BCAS3: variants seen among roughly 807,000 people sequenced by gnomAD.
BCAS3 encodes the protein BCAS4/BCAS3 fusion.
BCAS3 carries 53 observed loss-of-function variants against 116.1 expected under a neutral mutation model. The observed-to-expected ratio is 0.46, with a 90% CI of 0.37 to 0.57. BCAS3 has a LOEUF of 0.57. Ranked by LOEUF, BCAS3 falls within the 20% of genes least tolerant of loss-of-function variation. The pLI, the probability that BCAS3 is intolerant of heterozygous loss-of-function variation, is 0.00. For missense variants in BCAS3, 917 were observed against 1,165.4 expected, an observed-to-expected ratio of 0.79 and a Z score of 3.10; for synonymous variants, 391 against 408.2, an observed-to-expected ratio of 0.96 and a Z score of 0.51.
At chr17:61,035,574 C>T (rs192864239) in intron 17 of BCAS3, among the ~76,000 whole-genome samples, 5 of 135,544 alleles carry the variant, frequency 3.7e-5, no homozygotes, top group Non-Finnish European at 7.7e-5. Flanking sequence ...CAGAGCAAGA[C>T]TCCATCTCAA....
At chr17:60,944,607 C>G (rs1216788099) in intron 13 of BCAS3, among the ~76,000 whole-genome samples, 2 of 151,890 alleles carry the variant, frequency 1.3e-5, no homozygotes, top group African/African-American at 4.8e-5. Flanking sequence ...TTCTCAGGGA[C>G]ACAGATAAGA....
chr17:60,781,586 GA>G (rs2045839606), intron 6 of BCAS3, among the ~76,000 whole-genome samples: 1 of 152,080 alleles, frequency 6.6e-6, no homozygotes, highest in South Asian at 2.1e-4. Context: ...ATGACAGAGT[GA>G]GACCTTTTCT....
At chr17:60,966,345 A>G (rs574123856) in intron 14 of BCAS3, among the ~76,000 whole-genome samples, 1 of 152,340 alleles carries the variant, frequency 6.6e-6, no homozygotes, top group South Asian at 2.1e-4. Flanking sequence ...ATTGATAAGT[A>G]AGAAGATACT....
chr17:60,945,916 C>T (rs914827674), intron 13 of BCAS3, among the ~76,000 whole-genome samples: 1 of 151,564 alleles, frequency 6.6e-6, no homozygotes, highest in African/African-American at 2.4e-5. Flanking sequence ...GTCAGGAGAT[C>T]GAGACCATCC....
Position 61,315,653 on chromosome 17 carries a change from C to T in BCAS3, c.2426-52674C>T, listed in dbSNP as rs576958889. On this transcript the variant is annotated intron_variant, in intron 22 of 23. Transcript: ENST00000407086. The surrounding 1 kb of genome is among the most constrained non-coding windows in gnomAD (Gnocchi z 5.3). ...ACTCTACAGCCTCAGCCTCACCCAT[C>T]GATGCTTCCCCATGTGGGTCCTGGA... Among the ~76,000 whole-genome samples, 1 of 152,326 alleles carries T rather than the reference C, an allele frequency of 6.6e-6. No individual in the cohort carries two copies. The highest frequency in any genetic ancestry group is 2.1e-4 in the South Asian group (1 of 4,826).
chr17:61,152,537 G>C (rs2077598203), intron 22 of BCAS3, among the ~76,000 whole-genome samples: 1 of 152,058 alleles, frequency 6.6e-6, no homozygotes, highest in Non-Finnish European at 1.5e-5. Context: ...TCTAGAAAAG[G>C]GTTAAAACTA....
At chr17:60,703,211 G>T (rs2036648723) in intron 4 of BCAS3, among the ~76,000 whole-genome samples, 1 of 151,938 alleles carries the variant, frequency 6.6e-6, no homozygotes, top group Non-Finnish European at 1.5e-5. Context: ...GGAGGTGGAG[G>T]TTGCAGTGAG....
intron 22 of BCAS3, among the ~76,000 whole-genome samples, chr17:61,340,392 C>T (rs2057053526): frequency 6.6e-6 from 1 of 151,824 alleles, no homozygotes; most frequent in Non-Finnish European, 1.5e-5. Flanking sequence ...TCCATTTTCT[C>T]GATGAAGCCG....
Position 61,319,553 on chromosome 17 carries a change from G to T in BCAS3, c.2426-48774G>T, listed in dbSNP as rs180738753. 7.4e-5 allele frequency among the ~76,000 whole-genome samples: 11 copies of T among 149,070 alleles called. No homozygotes were observed. In the East Asian group the frequency reaches 2.1e-3, roughly 29 times the overall value. On this transcript the variant is annotated intron_variant, in intron 22 of 23. Coordinates refer to ENST00000407086, the MANE Select transcript of BCAS3 (RefSeq NM_017679.5). ...ATATTTTTATACATTTGCTTGATATGCTATAGAGGCTTTTTTTTTTTCAAT... is the reference window on the plus strand; with the variant it reads ...ATATTTTTATACATTTGCTTGATATTCTATAGAGGCTTTTTTTTTTTCAAT...
At chr17:60,939,542 C>G (rs1279558920) in intron 13 of BCAS3, among the ~76,000 whole-genome samples, 1 of 152,204 alleles carries the variant, frequency 6.6e-6, no homozygotes, top group Non-Finnish European at 1.5e-5. Context: ...GAATGACATA[C>G]TGCTACTTGT....
In BCAS3 at chr17:60,908,675, G is replaced by A. The variant is rs77743761; in HGVS notation, c.823-1857G>A. 3.3e-5 allele frequency among the ~76,000 whole-genome samples: 5 copies of A among 152,296 alleles called. No individual in the cohort carries two copies. The East Asian group carries it at 5.8e-4, about 18-fold the overall frequency. ...AATGTTTGGCTGCTAATTGAGGAACGTTGATGTGTTTTATAATCGCGGGAG... is the reference window on the plus strand; with the variant it reads ...AATGTTTGGCTGCTAATTGAGGAACATTGATGTGTTTTATAATCGCGGGAG... On this transcript the variant is annotated intron_variant, in intron 11 of 23. Transcript: ENST00000407086.
In BCAS3 at chr17:61,377,589, T is replaced by C. The variant is rs59586391; in HGVS notation, c.2593+9095T>C. Among the ~76,000 whole-genome samples the C allele has an allele frequency of 0.015, 2,238 of 152,252 alleles. 55 individuals are homozygous for C. The highest frequency in any genetic ancestry group is 0.051 in the African/African-American group (2,110 of 41,534). ...AAGTGCCTTTCCCTCTCTGGGCCAGTTTCTTCCTCTGTGACACAGTGTGGG... is the reference window on the plus strand; with the variant it reads ...AAGTGCCTTTCCCTCTCTGGGCCAGCTTCTTCCTCTGTGACACAGTGTGGG... On this transcript the variant is annotated intron_variant, in intron 23 of 23. Transcript: ENST00000407086. The surrounding 1 kb of genome is among the most constrained non-coding windows in gnomAD (Gnocchi z 4.6).
chr17:60,679,392 C>T, intron 1 of BCAS3, 61 bp from the exon 2 acceptor site: 1 of 1,303,980 alleles, frequency 7.7e-7, no homozygotes, highest in South Asian at 1.2e-5. Flanking sequence ...ATCTTCCTCC[C>T]TACCCCCAAC....
chr17:60,847,014 C>T (rs754711343), intron 7 of BCAS3, among the ~76,000 whole-genome samples: 1 of 152,150 alleles, frequency 6.6e-6, no homozygotes, highest in Non-Finnish European at 1.5e-5. Context: ...CAACAATCTG[C>T]CTTCTGTCTC....
chr17:61,331,664 A>G (rs1426548366), intron 22 of BCAS3, among the ~76,000 whole-genome samples: 1 of 152,176 alleles, frequency 6.6e-6, no homozygotes, highest in African/African-American at 2.4e-5. Context: ...TTTTAAATGG[A>G]AGGAAAAAAA....
intron 22 of BCAS3, among the ~76,000 whole-genome samples, chr17:61,093,499 A>C (rs2073764419): frequency 6.6e-6 from 1 of 152,080 alleles, no homozygotes; most frequent in South Asian, 2.1e-4. Flanking sequence ...AGATGGGAGG[A>C]TCACTTAAGC....
chr17:61,212,655 C>T (rs2081532644), intron 22 of BCAS3, among the ~76,000 whole-genome samples: 1 of 151,884 alleles, frequency 6.6e-6, no homozygotes, highest in Admixed American at 6.6e-5. Context: ...GTATTCAAGT[C>T]AGTAGAGTTA....
intron 6 of BCAS3, among the ~76,000 whole-genome samples, chr17:60,791,098 G>A (rs1021950304): frequency 6.6e-6 from 1 of 152,118 alleles, no homozygotes; most frequent in Non-Finnish European, 1.5e-5. Flanking sequence ...AGGCTGGAGT[G>A]CAGTGGCTAT....
At chr17:61,116,005 A>G (rs1283129168) in intron 22 of BCAS3, among the ~76,000 whole-genome samples, 1 of 147,794 alleles carries the variant, frequency 6.8e-6, no homozygotes, top group Non-Finnish European at 1.5e-5. Context: ...AAAACCAAAC[A>G]CCGCATATTC....
Sources: gnomAD v4.1 joint callset for allele counts (sites outside exome capture counted in the v4.1 genomes callset) on GRCh38, gnomAD v4.1.1 for gene constraint, Gnocchi (gnomAD v3.1) non-coding constraint, MANE v1.5 for transcripts, NCBI Gene and HGNC (gene_info 2026-07-23, HGNC 2026-07-21) for gene names.